The following PLEKHF2 variants were observed in gnomAD, a reference collection of about 807,000 sequenced individuals.
PLEKHF2 encodes pleckstrin homology and FYVE domain containing 2, also known as pleckstrin homology domain-containing family F member 2.
A neutral mutation model predicts 14.7 loss-of-function variants in PLEKHF2; 4 were observed. The ratio of observed to expected loss-of-function variants is 0.27; its 90% CI spans 0.13 to 0.62. PLEKHF2 has a LOEUF of 0.62. Ranked by LOEUF, PLEKHF2 falls within the 20% of genes least tolerant of loss-of-function variation. The pLI is 0.85. For missense variants in PLEKHF2, 201 were observed against 307.7 expected (o/e 0.65, Z 2.60); for synonymous variants, 90 against 103.5 (o/e 0.87, Z 0.79).
intron 1 of PLEKHF2, among the ~76,000 whole-genome samples, chr8:95,136,333 T>TATAC (rs1491441131): frequency 8.8e-4 from 109 of 124,016 alleles, no homozygotes; most frequent in Middle Eastern, 4.2e-3. Flanking sequence ...TTATTATATA[T>TATAC]ACACACACAC....
intron 1 of PLEKHF2, among the ~76,000 whole-genome samples, chr8:95,142,689 AT>A (rs1406597209): frequency 1.3e-5 from 2 of 152,198 alleles, no homozygotes; most frequent in Non-Finnish European, 2.9e-5. Context: ...CGTAATCATC[AT>A]TTTTTATTTA....
At chr8:95,137,741 T>A (rs1167849664) in intron 1 of PLEKHF2, among the ~76,000 whole-genome samples, 1 of 152,168 alleles carries the variant, frequency 6.6e-6, no homozygotes, top group Non-Finnish European at 1.5e-5. Flanking sequence ...ATGGCCACAT[T>A]TGGAACTACA....
rs2132112888 is a variant in PLEKHF2, at chr8:95,156,009, C to A, written c.*1215C>A. 1 of 167,126 alleles carries A rather than the reference C, an allele frequency of 6.0e-6. No individual in the cohort carries two copies. The highest frequency in any genetic ancestry group is 1.9e-4 in the East Asian group (1 of 5,200). The allele number at this position is 167,126 out of a possible 1,614,324, so 10.4% of individuals were successfully genotyped here. On this transcript the variant is annotated 3_prime_UTR_variant, in exon 2 of 2. Coordinates refer to ENST00000315367, the MANE Select transcript of PLEKHF2 (RefSeq NM_024613.4). ...TTTGCAATCTATGGAAATAGAGTAG[C>A]AATTGCTATTTCTAAATTGTGAACT...
chr8:95,134,477 A>C (rs1278618660), intron 1 of PLEKHF2: 1 of 152,152 alleles, frequency 6.6e-6, no homozygotes, highest in African/African-American at 2.4e-5. Flanking sequence ...TTTCTGGCCG[A>C]AAAGTTTGCA....
At chr8:95,151,558 TAA>T (rs61241700) in intron 1 of PLEKHF2, among the ~76,000 whole-genome samples, 1 of 150,006 alleles carries the variant, frequency 6.7e-6, no homozygotes, top group African/African-American at 2.4e-5. Flanking sequence ...AAAATCACTT[TAA>T]AAAAAAAATC....
intron 1 of PLEKHF2, among the ~76,000 whole-genome samples, chr8:95,147,415 T>C (rs901444243): frequency 3.3e-5 from 5 of 152,000 alleles, no homozygotes; most frequent in Non-Finnish European, 5.9e-5. Flanking sequence ...GTTATTATTA[T>C]GTTGATTTCA....
chr8:95,136,831 T>G (rs1810380932), intron 1 of PLEKHF2, among the ~76,000 whole-genome samples: 1 of 152,234 alleles, frequency 6.6e-6, no homozygotes, highest in Non-Finnish European at 1.5e-5. Context: ...TAAAAAATAC[T>G]TCATGGATAC....
Position 95,154,093 on chromosome 8 carries a change from A to G in PLEKHF2, c.49A>G (p.Ile17Val), listed in dbSNP as rs1365785635. 3 of 1,613,420 alleles carry G rather than the reference A, an allele frequency of 1.9e-6. No homozygotes were observed. The highest frequency in any genetic ancestry group is 2.5e-6 in the Non-Finnish European group (3 of 1,179,554). Residue 17 changes from isoleucine (I) to valine (V), a missense_variant, in exon 2 of 2, where the codon ATA (isoleucine) becomes GTA (valine). Coordinates refer to ENST00000315367, the MANE Select transcript of PLEKHF2 (RefSeq NM_024613.4). The surrounding 1 kb of genome is among the most constrained non-coding windows in gnomAD (Gnocchi z 5.6). ...NSEANTRRIS[I>V]VENCFGAAGQ... ...TGAAGCAAATACTAGACGTATAAGTATAGTGGAAAACTGTTTTGGAGCAGC... is the reference window on the plus strand; with the variant it reads ...TGAAGCAAATACTAGACGTATAAGTGTAGTGGAAAACTGTTTTGGAGCAGC...
intron 1 of PLEKHF2, among the ~76,000 whole-genome samples, chr8:95,136,329 T>TACAC (rs773190083): frequency 4.4e-4 from 28 of 63,076 alleles, no homozygotes; most frequent in African/African-American, 2.2e-3. Context: ...GTTTTTATTA[T>TACAC]ATATACACAC....
At chr8:95,141,502 G>A (rs1810438773) in intron 1 of PLEKHF2, among the ~76,000 whole-genome samples, 1 of 151,994 alleles carries the variant, frequency 6.6e-6, no homozygotes, top group Admixed American at 6.6e-5. Context: ...CTCCCCTACA[G>A]CCTCTGCTGC....
At chr8:95,146,788 C>T (rs1810505191) in intron 1 of PLEKHF2, among the ~76,000 whole-genome samples, 1 of 151,222 alleles carries the variant, frequency 6.6e-6, no homozygotes, top group African/African-American at 2.4e-5. Context: ...CACTGCCAGG[C>T]ACTGCTGGAA....
chr8:95,148,759 T>C (rs1024807413), intron 1 of PLEKHF2, among the ~76,000 whole-genome samples: 1 of 152,132 alleles, frequency 6.6e-6, no homozygotes, highest in African/African-American at 2.4e-5. Flanking sequence ...TAATTAGCTC[T>C]TTTAGAATGC....
Position 95,154,875 on chromosome 8 carries a change from C to A in PLEKHF2, c.*81C>A. 9.6e-6 allele frequency: 14 copies of A among 1,464,662 alleles called. No homozygotes were observed. Among genetic ancestry groups the A allele is most frequent in the Non-Finnish European group, 1.2e-5 (13 of 1,073,860 alleles). The allele number at this position is 1,464,662 out of a possible 1,614,324, so 90.7% of individuals were successfully genotyped here. A position where few individuals can be genotyped will look rare whatever the true frequency, so the allele number is the denominator to read the frequency against. ...GGAAATGTAAGATTCTGAGCTCTCT[C>A]TCTGTTTTGTTCTAGCCATGAATTT... On this transcript the variant is annotated 3_prime_UTR_variant, in exon 2 of 2. Coordinates refer to ENST00000315367, the MANE Select transcript of PLEKHF2 (RefSeq NM_024613.4). The surrounding 1 kb of genome is among the most constrained non-coding windows in gnomAD (Gnocchi z 5.6).
chr8:95,154,386 C>T lies in PLEKHF2; in HGVS notation c.342C>T (p.Ala114=). 6.2e-7 allele frequency: 1 copy of T among 1,613,994 alleles called. No homozygotes were observed. Among genetic ancestry groups the T allele is most frequent in the South Asian group, 1.1e-5 (1 of 91,066 alleles). ...TPTKSFAVYA[A]TATEKSEWMN... ...CTAAATCTTTTGCAGTTTATGCTGCCACTGCTACGGAGAAATCAGAATGGA... is the reference window on the plus strand; with the variant it reads ...CTAAATCTTTTGCAGTTTATGCTGCTACTGCTACGGAGAAATCAGAATGGA... The change falls in exon 2 of 2, where the codon GCC becomes GCT. Residue 114 remains alanine, a synonymous_variant. Coordinates refer to ENST00000315367, the MANE Select transcript of PLEKHF2 (RefSeq NM_024613.4). The surrounding 1 kb of genome is among the most constrained non-coding windows in gnomAD (Gnocchi z 5.6).
chr8:95,143,593 T>C (rs1037982570), intron 1 of PLEKHF2, among the ~76,000 whole-genome samples: 2 of 152,152 alleles, frequency 1.3e-5, no homozygotes, highest in East Asian at 3.8e-4. Context: ...TCTTGAAGAA[T>C]TGGTGAGATT....
At position 95,144,924 on chromosome 8, in the gene PLEKHF2, AT is replaced by A. The variant is rs1285259842; in HGVS notation, c.-14-9105del. ...CAAAAAACTGTGAGGCCGTTTGATA[AT>A]TGCTTAGTTAGTTCATGACTCAGTT... On this transcript the variant is annotated intron_variant, in intron 1 of 1. Transcript: ENST00000315367. 1.3e-5 allele frequency among the ~76,000 whole-genome samples: 2 copies of A among 151,830 alleles called. 1 individual carries two copies. Among genetic ancestry groups the A allele is most frequent in the Middle Eastern group, 6.4e-3 (2 of 314 alleles).
At chr8:95,138,198 A>C (rs1364821045) in intron 1 of PLEKHF2, among the ~76,000 whole-genome samples, 1 of 152,030 alleles carries the variant, frequency 6.6e-6, no homozygotes, top group Non-Finnish European at 1.5e-5. Context: ...CTTATCCCCA[A>C]GTTGACTTAT....
rs529636165 is a variant in PLEKHF2 at position 95,136,100 on chromosome 8, A to C, written c.-15+2070A>C. Among the ~76,000 whole-genome samples, 7 of 152,336 alleles carry C rather than the reference A, an allele frequency of 4.6e-5. No individual in the cohort carries two copies. In the South Asian group the frequency reaches 1.2e-3, roughly 27 times the overall value. Reference sequence around the variant, plus strand: ...TCATGACATCTCCTTGACAGCAGGCAACACATCGGGTCTGATTTGCCTCTT... The same window carrying C: ...TCATGACATCTCCTTGACAGCAGGCCACACATCGGGTCTGATTTGCCTCTT... On this transcript the variant is annotated intron_variant, in intron 1 of 1. Coordinates refer to ENST00000315367, the MANE Select transcript of PLEKHF2 (RefSeq NM_024613.4).
intron 1 of PLEKHF2, among the ~76,000 whole-genome samples, chr8:95,150,986 G>A (rs1810555716): frequency 6.6e-6 from 1 of 152,088 alleles, no homozygotes; most frequent in South Asian, 2.1e-4. Context: ...TTGCTGTGAG[G>A]AGGAAATACA....
Sources: allele counts gnomAD v4.1 joint callset (sites outside exome capture counted in the v4.1 genomes callset), GRCh38; gene constraint gnomAD v4.1.1; non-coding constraint Gnocchi (gnomAD v3.1); transcripts MANE v1.5; gene names NCBI Gene and HGNC (gene_info 2026-07-23, HGNC 2026-07-21).